CENPC: variants seen among roughly 807,000 people sequenced by gnomAD.
CENPC encodes CENP-C 1.
CENPC carries 63 observed loss-of-function variants against 112.1 expected under a neutral mutation model. The observed-to-expected ratio is 0.56, with a 90% confidence interval of 0.46 to 0.69. The LOEUF is 0.69. Among genes scored for constraint, CENPC ranks in the 30% least tolerant of loss-of-function variants. CENPC has a pLI of 0.00. For synonymous variants in CENPC, 333 were observed against 367.6 expected (o/e 0.91, Z 1.08); for missense variants, 1,000 against 1,103.8 (o/e 0.91, Z 1.33).
At chr4:67,508,508 T>C (rs1262339803) in intron 10 of CENPC, among the ~76,000 whole-genome samples, 1 of 92,230 alleles carries the variant, frequency 1.1e-5, no homozygotes, top group Non-Finnish European at 2.2e-5. Context: ...GAAGACTCTG[T>C]CTCTTAAAAA....
chr4:67,523,406 AT>A (rs1351433029), intron 5 of CENPC, among the ~76,000 whole-genome samples: 1 of 152,352 alleles, frequency 6.6e-6, no homozygotes. Flanking sequence ...TTTCCACAGG[AT>A]ATGAGTCAAC....
At chr4:67,519,738 A>G (rs1302423537) in intron 5 of CENPC, among the ~76,000 whole-genome samples, 1 of 152,208 alleles carries the variant, frequency 6.6e-6, no homozygotes, top group East Asian at 1.9e-4. Context: ...ACATACACAC[A>G]TGGAATATAG....
At position 67,472,563 on chromosome 4, in the gene CENPC, A is replaced by G. The variant is rs371260217; in HGVS notation, c.*42T>C. 150 of 1,361,988 alleles carry G rather than the reference A, an allele frequency of 1.1e-4. No individual in the cohort carries two copies. The highest frequency in any genetic ancestry group is 4.3e-4 in the East Asian group (15 of 35,140). The allele number at this position is 1,361,988 out of a possible 1,614,324, so 84.4% of individuals were successfully genotyped here. On this transcript the variant is annotated 3_prime_UTR_variant, in exon 19 of 19. Coordinates refer to ENST00000273853, the MANE Select transcript of CENPC (RefSeq NM_001812.4). ...TCCAACTATACAAACTGTTTTTCACATATACATATATACATACATATATTT... is the reference window on the plus strand; with the variant it reads ...TCCAACTATACAAACTGTTTTTCACGTATACATATATACATACATATATTT...
chr4:67,477,558 G>A (rs1334256366), intron 17 of CENPC, among the ~76,000 whole-genome samples: 1 of 152,182 alleles, frequency 6.6e-6, no homozygotes, highest in Non-Finnish European at 1.5e-5. Flanking sequence ...GAACTGCAGT[G>A]CTTGACCTCC....
At chr4:67,510,979 C>G in intron 9 of CENPC, 1 of 455,260 alleles carries the variant, frequency 2.2e-6, no homozygotes. Context: ...ATTTACCCAT[C>G]TGTTTATGTA....
chr4:67,538,429 T>C (rs572610236), intron 4 of CENPC, among the ~76,000 whole-genome samples: 1 of 152,196 alleles, frequency 6.6e-6, no homozygotes, highest in Admixed American at 6.5e-5. Context: ...AGAAAAAACA[T>C]ACAAGATTCT....
chr4:67,529,135 C>T (rs763274376), intron 5 of CENPC, among the ~76,000 whole-genome samples: 2 of 152,130 alleles, frequency 1.3e-5, no homozygotes, highest in African/African-American at 2.4e-5. Context: ...AAAGTCTATA[C>T]ACAGAATGTA....
At chr4:67,473,904 T>C (rs2109756499) in intron 18 of CENPC, among the ~76,000 whole-genome samples, 1 of 152,338 alleles carries the variant, frequency 6.6e-6, no homozygotes, top group Middle Eastern at 3.4e-3. Flanking sequence ...TGGATTAAAA[T>C]GCCTATTTAC....
intron 15 of CENPC, among the ~76,000 whole-genome samples, chr4:67,492,568 G>T (rs182277799): frequency 6.6e-6 from 1 of 152,036 alleles, no homozygotes; most frequent in East Asian, 1.9e-4. Flanking sequence ...GTGAGATAGA[G>T]GTATATAAAA....
rs9312182 is a variant in CENPC, at chr4:67,484,590, T to G, written c.2670+5377A>C. ...AGAAATCTAGGTTGTGTGCTCCTTA[T>G]GAAAATCTAATGCCAACTCCCACTG... On this transcript the variant is annotated intron_variant, in intron 17 of 18. Coordinates refer to ENST00000273853, the MANE Select transcript of CENPC (RefSeq NM_001812.4). Among the ~76,000 whole-genome samples the G allele has an allele frequency of 3.3e-5, 5 of 152,124 alleles. No individual in the cohort carries two copies. The East Asian group carries it at 9.7e-4, about 29-fold the overall frequency.
At chr4:67,475,874 C>A (rs1392231619) in intron 17 of CENPC, among the ~76,000 whole-genome samples, 1 of 152,188 alleles carries the variant, frequency 6.6e-6, no homozygotes, top group Non-Finnish European at 1.5e-5. Context: ...CAGGTGTGAG[C>A]CACCGCGCCC....
intron 13 of CENPC, among the ~76,000 whole-genome samples, chr4:67,494,597 G>A (rs879938289): frequency 2.6e-5 from 4 of 151,998 alleles, no homozygotes; most frequent in Admixed American, 6.6e-5. Context: ...ATCTGAGTAT[G>A]AGTGAAAGAG....
At chr4:67,494,110 C>A in intron 13 of CENPC, 122 bp from the exon 14 acceptor site, 12 of 529,186 alleles carry the variant, frequency 2.3e-5, no homozygotes, top group South Asian at 1.1e-4. Flanking sequence ...TTTTTCTAGA[C>A]AAAAGACTAG....
At chr4:67,483,390 C>T (rs1324651305) in intron 17 of CENPC, among the ~76,000 whole-genome samples, 1 of 151,972 alleles carries the variant, frequency 6.6e-6, no homozygotes, top group Non-Finnish European at 1.5e-5. Flanking sequence ...TAACCAAACA[C>T]TACTTGTTCT....
At chr4:67,495,546 G>A (rs115308160) in intron 12 of CENPC, among the ~76,000 whole-genome samples, 371 of 152,226 alleles carry the variant, frequency 2.4e-3, no homozygotes, top group African/African-American at 8.5e-3. Context: ...GGATGAGGAA[G>A]GGGTTTTATT....
intron 5 of CENPC, among the ~76,000 whole-genome samples, chr4:67,526,398 A>G (rs1726382346): frequency 6.6e-6 from 1 of 152,192 alleles, no homozygotes; most frequent in African/African-American, 2.4e-5. Flanking sequence ...ATGCTTACAA[A>G]CTTGACAGAT....
chr4:67,528,643 T>G (rs1364214816), intron 5 of CENPC, among the ~76,000 whole-genome samples: 1 of 152,258 alleles, frequency 6.6e-6, no homozygotes, highest in Non-Finnish European at 1.5e-5. Context: ...CTATGTTATA[T>G]AGCAGAACTT....
At chr4:67,536,376 C>T (rs1199930029) in intron 4 of CENPC, among the ~76,000 whole-genome samples, 1 of 152,116 alleles carries the variant, frequency 6.6e-6, no homozygotes, top group Non-Finnish European at 1.5e-5. Context: ...TTTGAAGAAA[C>T]AGATCATTTT....
chr4:67,528,119 G>T (rs1012483709), intron 5 of CENPC, among the ~76,000 whole-genome samples: 1 of 151,958 alleles, frequency 6.6e-6, no homozygotes, highest in African/African-American at 2.4e-5. Flanking sequence ...TAAAGGTCTA[G>T]AATTAATTTT....
Sources: allele counts gnomAD v4.1 joint callset (sites outside exome capture counted in the v4.1 genomes callset), GRCh38; gene constraint gnomAD v4.1.1; transcripts MANE v1.5; gene names NCBI Gene and HGNC (gene_info 2026-07-23, HGNC 2026-07-21).